C18orf54: variants seen among roughly 807,000 people sequenced by gnomAD.
C18orf54 encodes chromosome 18 open reading frame 54, also known as lung adenoma susceptibility protein 2.
In C18orf54, 49 loss-of-function variants were observed where a neutral mutation model predicts 49.3. That is an observed-to-expected ratio of 0.99 (90% CI 0.79 to 1.26). The LOEUF is 1.26. C18orf54 is among the 50% of genes most tolerant of loss of function. The pLI is 0.00. For missense variants in C18orf54, 687 were observed against 620.6 expected (o/e 1.11, Z -1.14); for synonymous variants, 211 against 216.6 (o/e 0.97, Z 0.23).
At chr18:54,372,365 T>TTTTA (rs1263007231) in intron 6 of C18orf54, 101 bp from the exon 7 acceptor site, 2 of 1,150,114 alleles carry the variant, frequency 1.7e-6, no homozygotes, top group Admixed American at 2.9e-5. Flanking sequence ...TTGTTTGGAG[T>TTTTA]TTTACATTAA....
chr18:54,364,593 G>T (rs7243152), intron 5 of C18orf54, among the ~76,000 whole-genome samples: 111,922 of 151,982 alleles, frequency 0.74, 41,712 homozygotes, highest in African/African-American at 0.86. Context: ...AGTATTTTAA[G>T]TGGTAGAGCA....
At chr18:54,358,123 G>C (rs1351492702) in intron 1 of C18orf54, 48 bp downstream of exon 1, 1 of 152,738 alleles carries the variant, frequency 6.5e-6, no homozygotes, top group African/African-American at 2.4e-5. Context: ...TGGGGCCTTA[G>C]GGGTGAGTTA....
chr18:54,363,626 A>C (rs59383547), intron 5 of C18orf54, among the ~76,000 whole-genome samples: 17,059 of 152,030 alleles, frequency 0.11, 3,227 homozygotes, highest in African/African-American at 0.39. Context: ...TGAAGTTACA[A>C]ATTTCTTATC....
chr18:54,378,027 A>C, intron 8 of C18orf54, 147 bp from the exon 9 acceptor site: 2 of 423,666 alleles, frequency 4.7e-6, no homozygotes, highest in Non-Finnish European at 8.2e-6. Flanking sequence ...AAGGTTTTAT[A>C]AGGAATAAGT....
At chr18:54,376,997 G>A (rs2089585231) in intron 8 of C18orf54, among the ~76,000 whole-genome samples, 1 of 148,334 alleles carries the variant, frequency 6.7e-6, no homozygotes, top group South Asian at 2.2e-4. Flanking sequence ...TAACATTGGA[G>A]GTTATTACAC....
At chr18:54,362,701 T>A in intron 4 of C18orf54, 70 bp from the exon 5 acceptor site, 1 of 1,343,832 alleles carries the variant, frequency 7.4e-7, no homozygotes, top group East Asian at 2.4e-5. Flanking sequence ...TCTTGTTGAC[T>A]TTGTGAGATT....
intron 6 of C18orf54, among the ~76,000 whole-genome samples, chr18:54,372,147 C>G (rs2089496831): frequency 6.6e-6 from 1 of 151,992 alleles, no homozygotes; most frequent in Non-Finnish European, 1.5e-5. Context: ...GAAGACCTTT[C>G]ATTTCATTTA....
At chr18:54,372,347 G>A (rs1599345591) in intron 6 of C18orf54, 119 bp from the exon 7 acceptor site, 2 of 982,850 alleles carry the variant, frequency 2.0e-6, no homozygotes, top group African/African-American at 3.3e-5. Flanking sequence ...ATACTTTATT[G>A]ACATACATTG....
chr18:54,363,654 C>T (rs1263847199), intron 5 of C18orf54, among the ~76,000 whole-genome samples: 2 of 152,056 alleles, frequency 1.3e-5, no homozygotes, highest in African/African-American at 4.8e-5. Flanking sequence ...TTTTACTTTC[C>T]CTTTTAGTTG....
At chr18:54,378,088 C>T (rs2089605471) in intron 8 of C18orf54, 86 bp from the exon 9 acceptor site, 4 of 361,670 alleles carry the variant, frequency 1.1e-5, no homozygotes, top group Middle Eastern at 6.8e-4. Flanking sequence ...AGTTAATAGT[C>T]AACTTTATTT....
At position 54,361,817 on chromosome 18, in the gene C18orf54, A is replaced by G; in HGVS notation, c.458A>G (p.Lys153Arg). Reference protein sequence around the residue: ...GPSHRTSKKNKKCRGRLGSLD... With the variant: ...GPSHRTSKKNRKCRGRLGSLD... ...AGTCACCGAACGAGCAAGAAAAACA[A>G]GAAATGCCGTGGAAGACTGGGTTCA... Residue 153 changes from lysine (K) to arginine (R), a missense_variant, in exon 4 of 9, where the codon AAG (lysine) becomes AGG (arginine). By Grantham distance (26) the Lys-to-Arg change is conservative. Coordinates refer to ENST00000620105, the MANE Select transcript of C18orf54 (RefSeq NM_001288980.2). The G allele has an allele frequency of 6.2e-7, 1 of 1,614,114 alleles. No homozygotes were observed. The highest frequency in any genetic ancestry group is 8.5e-7 in the Non-Finnish European group (1 of 1,179,980).
In C18orf54 at chr18:54,362,344, G is replaced by A. The variant is rs1371612861; in HGVS notation, c.985G>A (p.Val329Ile). Residue 329 changes from valine to isoleucine, a missense_variant, in exon 4 of 9, where the codon GTT becomes ATT. Coordinates refer to ENST00000620105, the MANE Select transcript of C18orf54 (RefSeq NM_001288980.2). ...SNSLSDDKEL[V>I]NEYKCDFEHS... ...TTCCTTGAGTGATGATAAAGAATTA[G>A]TTAATGAATACAAATGTGATTTTGA... The A allele has an allele frequency of 6.5e-7, 1 of 1,535,880 alleles. No homozygotes were observed. The highest frequency in any genetic ancestry group is 1.4e-5 in the African/African-American group (1 of 73,046).
At chr18:54,377,480 G>A (rs1030426298) in intron 8 of C18orf54, among the ~76,000 whole-genome samples, 32 of 152,214 alleles carry the variant, frequency 2.1e-4, no homozygotes, top group African/African-American at 7.7e-4. Context: ...AAATATAGGG[G>A]AGAGAAAAAC....
chr18:54,374,350 A>G, intron 8 of C18orf54, 66 bp downstream of exon 8: 2 of 1,481,462 alleles, frequency 1.4e-6, no homozygotes, highest in Non-Finnish European at 1.8e-6. Context: ...ATGTAAAGTT[A>G]CAGGGTAGAA....
Position 54,360,821 on chromosome 18 carries a change from A to G in C18orf54, c.249A>G (p.Ser83=), listed in dbSNP as rs749728303. Reference sequence around the variant, plus strand: ...TTGATGAGGATTTTACTAATATGTCACAGTTCTGCAACTATATTTACAAAC... The same window carrying G: ...TTGATGAGGATTTTACTAATATGTCGCAGTTCTGCAACTATATTTACAAAC... ...INIDEDFTNM[S]QFCNYIYKPN... Residue 83 remains serine, a synonymous_variant, in exon 3 of 9, where the codon TCA becomes TCG. Transcript: ENST00000620105. 2 of 1,612,714 alleles carry G rather than the reference A, an allele frequency of 1.2e-6. No individual in the cohort carries two copies. The highest frequency in any genetic ancestry group is 1.7e-6 in the Non-Finnish European group (2 of 1,179,224).
At chr18:54,360,911 ATGTAC>A (rs2089256653) in intron 3 of C18orf54, 56 bp downstream of exon 3, 1 of 1,496,090 alleles carries the variant, frequency 6.7e-7, no homozygotes, top group Non-Finnish European at 9.2e-7. Context: ...CATTTGGGAG[ATGTAC>A]TGTAGTATTG....
At chr18:54,375,844 T>G (rs1389292094) in intron 8 of C18orf54, among the ~76,000 whole-genome samples, 1 of 152,140 alleles carries the variant, frequency 6.6e-6, no homozygotes, top group Non-Finnish European at 1.5e-5. Context: ...AATTTGTCTT[T>G]ACATTTCTAA....
intron 6 of C18orf54, among the ~76,000 whole-genome samples, chr18:54,367,880 T>G (rs1220464011): frequency 6.6e-6 from 1 of 152,156 alleles, no homozygotes; most frequent in Non-Finnish European, 1.5e-5. Flanking sequence ...GTAGGCTTTC[T>G]TTACTCTTTT....
rs749164143 is a variant in C18orf54 at position 54,360,620 on chromosome 18, A to G, written c.48A>G (p.Ser16=). The change falls in exon 3 of 9, where the codon TCA becomes TCG. Residue 16 remains serine (S), a synonymous_variant. Coordinates refer to ENST00000620105, the MANE Select transcript of C18orf54 (RefSeq NM_001288980.2). ...TKHRLCSQES[S]VSALLASCTL... is the part of the protein sequence containing the mutation. ...ATAGACTTTGTTCTCAGGAATCTTCAGTATCTGCCCTGCTGGCAAGCTGCA... is the reference window on the plus strand; with the variant it reads ...ATAGACTTTGTTCTCAGGAATCTTCGGTATCTGCCCTGCTGGCAAGCTGCA... The G allele has an allele frequency of 6.2e-7, 1 of 1,614,092 alleles. No homozygotes were observed. Among genetic ancestry groups the G allele is most frequent in the South Asian group, 1.1e-5 (1 of 91,078 alleles).
Sources: gnomAD v4.1 joint callset for allele counts (sites outside exome capture counted in the v4.1 genomes callset) on GRCh38, gnomAD v4.1.1 for gene constraint, MANE v1.5 for transcripts, NCBI Gene and HGNC (gene_info 2026-07-23, HGNC 2026-07-21) for gene names.